RUFY1: variants seen among roughly 807,000 people sequenced by gnomAD.
The protein encoded by RUFY1 is RUN and FYVE domain containing 1.
A neutral mutation model predicts 94.6 loss-of-function variants in RUFY1; 54 were observed. That is an observed-to-expected ratio of 0.57 (90% confidence interval 0.46 to 0.72). The LOEUF (loss-of-function observed/expected upper bound fraction) is 0.72. RUFY1 is among the 30% of genes least tolerant of loss of function. The pLI is 0.00. For missense variants in RUFY1, 883 were observed against 883.9 expected (o/e 1.00, Z 0.01); for synonymous variants, 396 against 347.3 (o/e 1.14, Z -1.56).
At chr5:179,578,978 A>G (rs764836062) in intron 6 of RUFY1, among the ~76,000 whole-genome samples, 9 of 152,206 alleles carry the variant, frequency 5.9e-5, no homozygotes, top group Admixed American at 2.0e-4. Context: ...ATATGCATAC[A>G]TATGTTTTAC....
intron 16 of RUFY1, chr5:179,607,378 G>A (rs953552462): frequency 2.0e-5 from 12 of 588,070 alleles, no homozygotes; most frequent in African/African-American, 1.9e-4. Context: ...GTGGAGCACG[G>A]AGCTAGGATG....
chr5:179,571,555 A>G (rs1419011432), intron 5 of RUFY1, among the ~76,000 whole-genome samples: 1 of 151,584 alleles, frequency 6.6e-6, no homozygotes, highest in Admixed American at 6.6e-5. Context: ...AGTTCTCTGT[A>G]CTCTTGTCCG....
At chr5:179,598,956 G>T in intron 14 of RUFY1, 135 bp downstream of exon 14, 1 of 911,514 alleles carries the variant, frequency 1.1e-6, no homozygotes, top group South Asian at 1.6e-5. Flanking sequence ...GGCTGTTAGG[G>T]AGCTCCTGTT....
intron 6 of RUFY1, among the ~76,000 whole-genome samples, chr5:179,580,667 G>C (rs11957012): frequency 1.3e-5 from 2 of 151,746 alleles, no homozygotes; most frequent in East Asian, 1.9e-4. Flanking sequence ...AGCCATTTGC[G>C]TGTGGCAAGT....
chr5:179,562,490 C>A, intron 2 of RUFY1, 57 bp from the exon 3 acceptor site: 1 of 951,858 alleles, frequency 1.1e-6, no homozygotes. Context: ...GGCTGTGGGT[C>A]CCTGAAGAAA....
At chr5:179,573,257 A>G (rs1763352735) in intron 5 of RUFY1, among the ~76,000 whole-genome samples, 1 of 152,186 alleles carries the variant, frequency 6.6e-6, no homozygotes, top group Admixed American at 6.5e-5. Flanking sequence ...ATGAACTTGA[A>G]CATCGTTTTG....
chr5:179,574,240 C>G (rs548661449), intron 5 of RUFY1, among the ~76,000 whole-genome samples: 1 of 151,996 alleles, frequency 6.6e-6, no homozygotes, highest in African/African-American at 2.4e-5. Context: ...ACCAAAAATA[C>G]AACAATTAGC....
chr5:179,590,208 G>A (rs993654450), intron 9 of RUFY1, among the ~76,000 whole-genome samples: 4 of 151,906 alleles, frequency 2.6e-5, no homozygotes, highest in African/African-American at 4.8e-5. Flanking sequence ...AAAACAGTTA[G>A]CTGGGCGTGG....
intron 14 of RUFY1, 83 bp downstream of exon 14, chr5:179,598,904 G>T: frequency 1.3e-6 from 2 of 1,509,286 alleles, no homozygotes; most frequent in South Asian, 1.2e-5. Flanking sequence ...TCCTCTCCCC[G>T]CACCCTTTGT....
chr5:179,584,437 G>C (rs1200880062), intron 7 of RUFY1, among the ~76,000 whole-genome samples: 2 of 152,142 alleles, frequency 1.3e-5, no homozygotes, highest in African/African-American at 4.8e-5. Context: ...CTAACAGTAG[G>C]ATCTACCTCA....
chr5:179,580,568 C>T (rs1451006323), intron 6 of RUFY1, among the ~76,000 whole-genome samples: 1 of 150,560 alleles, frequency 6.6e-6, no homozygotes, highest in Non-Finnish European at 1.5e-5. Flanking sequence ...TTTTTTTAAT[C>T]CAAACTGGCC....
intron 3 of RUFY1, among the ~76,000 whole-genome samples, chr5:179,565,020 A>G (rs1762734403): frequency 6.6e-6 from 1 of 152,176 alleles, no homozygotes; most frequent in African/African-American, 2.4e-5. Flanking sequence ...AAAATAATTT[A>G]TATTTGGTAC....
chr5:179,594,016 C>T (rs113216028), intron 11 of RUFY1, among the ~76,000 whole-genome samples: 2 of 151,988 alleles, frequency 1.3e-5, no homozygotes, highest in Non-Finnish European at 2.9e-5. Context: ...TTAAAGACGT[C>T]ATTTAGAGCC....
chr5:179,563,842 T>C (rs973873489), intron 3 of RUFY1, among the ~76,000 whole-genome samples: 1 of 151,948 alleles, frequency 6.6e-6, no homozygotes, highest in Non-Finnish European at 1.5e-5. Flanking sequence ...CAGTTAATTT[T>C]TGTATTTTTT....
intron 3 of RUFY1, 166 bp downstream of exon 3, chr5:179,562,830 C>T: frequency 1.8e-6 from 1 of 562,936 alleles, no homozygotes; most frequent in Non-Finnish European, 3.2e-6. Context: ...CCTCAGTTTC[C>T]TTTTCTTTAA....
At chr5:179,605,781 A>G (rs772848484) in intron 15 of RUFY1, 95 bp from the exon 16 acceptor site, 9 of 833,216 alleles carry the variant, frequency 1.1e-5, no homozygotes, top group African/African-American at 8.4e-5. Flanking sequence ...CAAGTCCGGT[A>G]TCCTCACAAA....
In RUFY1 at chr5:179,550,816, A is replaced by G; in HGVS notation, c.247A>G (p.Ser83Gly). ...CGGGAACCTGTCGGCGAGCTGCGGG[A>G]GCGCGCTGCGCGCGGCCGCGGGGCT... ...ATGNLSASCG[S>G]ALRAAAGLGG... Residue 83 changes from serine to glycine, a missense_variant, in exon 1 of 18, where the codon AGC (serine) becomes GGC (glycine). By Grantham distance (56) the Ser-to-Gly change is moderately conservative. Coordinates refer to ENST00000319449, the MANE Select transcript of RUFY1 (RefSeq NM_025158.5). 4.7e-6 allele frequency: 6 copies of G among 1,275,500 alleles called. No individual in the cohort carries two copies. Among genetic ancestry groups the G allele is most frequent in the Admixed American group, 4.1e-5 (1 of 24,530 alleles). The allele number at this position is 1,275,500 out of a possible 1,614,324, so 79.0% of individuals were successfully genotyped here.
chr5:179,600,274 G>A (rs1428984490), intron 14 of RUFY1, among the ~76,000 whole-genome samples: 1 of 152,192 alleles, frequency 6.6e-6, no homozygotes, highest in Non-Finnish European at 1.5e-5. Context: ...GAGCTCCACC[G>A]CTGCTCCCAG....
At chr5:179,583,994 C>T (rs537052838) in intron 7 of RUFY1, among the ~76,000 whole-genome samples, 3 of 152,056 alleles carry the variant, frequency 2.0e-5, no homozygotes, top group East Asian at 1.9e-4. Flanking sequence ...GTGATCCGCC[C>T]GCCTCGGCCT....
Sources: gnomAD v4.1 joint callset for allele counts (sites outside exome capture counted in the v4.1 genomes callset) on GRCh38, gnomAD v4.1.1 for gene constraint, MANE v1.5 for transcripts, NCBI Gene and HGNC (gene_info 2026-07-23, HGNC 2026-07-21) for gene names.